Variants in CNGB3 observed in about 807,000 individuals in gnomAD.
CNGB3 encodes cyclic nucleotide-gated channel beta-3.
CNGB3 carries 86 observed loss-of-function variants against 92.8 expected under a neutral mutation model. The ratio of observed to expected loss-of-function variants is 0.93; its 90% CI spans 0.78 to 1.11. CNGB3 has a LOEUF of 1.11. CNGB3 is among the 50% of genes least tolerant of loss of function. CNGB3 has a pLI of 0.00. For synonymous variants in CNGB3, 333 were observed against 332.7 expected, an observed-to-expected ratio of 1.00 and a Z score of -0.01; for missense variants, 1,026 against 956.8, an observed-to-expected ratio of 1.07 and a Z score of -0.95.
intron 3 of CNGB3, among the ~76,000 whole-genome samples, chr8:86,687,470 A>G (rs1392524454): frequency 2.6e-5 from 4 of 152,092 alleles, no homozygotes; most frequent in African/African-American, 9.6e-5. Context: ...TTCATATGAG[A>G]TAACGAGAAC....
At chr8:86,728,149 T>A (rs140132130) in intron 2 of CNGB3, among the ~76,000 whole-genome samples, 3,412 of 152,298 alleles carry the variant, frequency 0.022, 128 homozygotes, top group African/African-American at 0.079. Context: ...CAGTACTAGC[T>A]ATGTTTTTGT....
chr8:86,579,214 T>C lies in CNGB3; in HGVS notation c.1820A>G (p.Asn607Ser), dbSNP rs1821715436. Residue 607 changes from asparagine to serine, a missense_variant, in exon 16 of 18, where the codon AAT becomes AGT. By Grantham distance (46) the Asn-to-Ser change is conservative. Coordinates refer to ENST00000320005, the MANE Select transcript of CNGB3 (RefSeq NM_019098.5). ...AAGGGNRRTA[N>S]VVAHGFANLL... ...ATTGGCAAACCCGTGGGCCACCACA[T>C]TGGCAGTTCGACGGTTTCCTCCTCC... is the stretch of plus-strand genomic sequence containing the variant. The C allele has an allele frequency of 3.7e-6, 6 of 1,614,172 alleles. No individual in the cohort carries two copies. The highest frequency in any genetic ancestry group is 1.3e-5 in the African/African-American group (1 of 75,056).
intron 10 of CNGB3, among the ~76,000 whole-genome samples, chr8:86,634,392 G>A (rs1335796126): frequency 6.6e-6 from 1 of 152,142 alleles, no homozygotes; most frequent in Non-Finnish European, 1.5e-5. Context: ...TGGTAGGTTA[G>A]GTGTATTAAC....
At chr8:86,603,887 T>C (rs1334656529) in intron 15 of CNGB3, among the ~76,000 whole-genome samples, 1 of 152,232 alleles carries the variant, frequency 6.6e-6, no homozygotes, top group African/African-American at 2.4e-5. Context: ...CTCTAGGTCC[T>C]GGACTAAAGA....
intron 6 of CNGB3, among the ~76,000 whole-genome samples, chr8:86,664,409 T>C (rs867943045): frequency 4.1e-4 from 63 of 152,356 alleles, no homozygotes; most frequent in African/African-American, 1.5e-3. Flanking sequence ...GCAGTCAGTC[T>C]GCTCTTCCTA....
chr8:86,701,397 A>T (rs1197804232), intron 3 of CNGB3, among the ~76,000 whole-genome samples: 1 of 152,200 alleles, frequency 6.6e-6, no homozygotes, highest in Non-Finnish European at 1.5e-5. Flanking sequence ...GGGCTCTAAC[A>T]CCAATAATAT....
chr8:86,651,949 C>G (rs1823411076), intron 7 of CNGB3, among the ~76,000 whole-genome samples: 1 of 151,902 alleles, frequency 6.6e-6, no homozygotes, highest in Non-Finnish European at 1.5e-5. Context: ...ATGTGAATAT[C>G]ATAGCATGTA....
intron 3 of CNGB3, 85 bp from the exon 4 acceptor site, chr8:86,671,183 T>C (rs1344852351): frequency 2.0e-6 from 3 of 1,469,622 alleles, no homozygotes; most frequent in Non-Finnish European, 2.8e-6. Context: ...ACCTTCCTTA[T>C]ATATTCAAGA....
intron 3 of CNGB3, among the ~76,000 whole-genome samples, chr8:86,694,543 C>T (rs1461229248): frequency 2.7e-5 from 4 of 150,008 alleles, no homozygotes; most frequent in Non-Finnish European, 4.4e-5. Flanking sequence ...ACTTCTCAGA[C>T]GGGGTGGTTG....
chr8:86,608,747 C>T (rs570339692), intron 14 of CNGB3, among the ~76,000 whole-genome samples: 2 of 152,326 alleles, frequency 1.3e-5, no homozygotes, highest in South Asian at 2.1e-4. Context: ...CTCTCTGCCT[C>T]GGCAGCTAGG....
intron 11 of CNGB3, among the ~76,000 whole-genome samples, chr8:86,630,296 GGA>G (rs1376687706): frequency 6.6e-6 from 1 of 152,146 alleles, no homozygotes; most frequent in Non-Finnish European, 1.5e-5. Flanking sequence ...TGGTATGTTA[GGA>G]GAGGGCTTGG....
chr8:86,730,841 A>G (rs1400853969), intron 2 of CNGB3, among the ~76,000 whole-genome samples: 1 of 152,212 alleles, frequency 6.6e-6, no homozygotes, highest in Non-Finnish European at 1.5e-5. Flanking sequence ...GAAGTTGACA[A>G]CATTACAGCA....
At chr8:86,642,354 A>G (rs1178022123) in intron 10 of CNGB3, among the ~76,000 whole-genome samples, 1 of 151,848 alleles carries the variant, frequency 6.6e-6, no homozygotes, top group African/African-American at 2.4e-5. Flanking sequence ...ATCAAAGTAA[A>G]TAATTCACAT....
At position 86,575,120 on chromosome 8, in the gene CNGB3, G is replaced by A. The variant is rs1585940401; in HGVS notation, c.*684C>T. 6.6e-6 allele frequency: 1 copy of A among 152,108 alleles called. No homozygotes were observed. Among genetic ancestry groups the A allele is most frequent in the South Asian group, 2.1e-4 (1 of 4,832 alleles). 9.4% of individuals were successfully genotyped at this position (152,108 alleles called of 1,614,324 possible). On this transcript the variant is annotated 3_prime_UTR_variant, in exon 18 of 18. Transcript: ENST00000320005. ...GAAAATATTGAAGTTTATTTCTTTAGTAAAGGGTACAATTTTTCCAATATG... is the reference window on the plus strand; with the variant it reads ...GAAAATATTGAAGTTTATTTCTTTAATAAAGGGTACAATTTTTCCAATATG...
At chr8:86,660,687 G>A (rs1275584551) in intron 6 of CNGB3, 1 of 530,318 alleles carries the variant, frequency 1.9e-6, no homozygotes, top group African/African-American at 1.9e-5. Context: ...CTACAGCCCT[G>A]TTTTGTGAGA....
At chr8:86,643,727 G>A (rs537889407) in intron 10 of CNGB3, 24 bp downstream of exon 10, 2 of 1,600,354 alleles carry the variant, frequency 1.2e-6, no homozygotes, top group South Asian at 2.2e-5. Flanking sequence ...ATCAATAAAG[G>A]TTTCTTTCAA....
At chr8:86,722,536 T>C (rs1441924697) in intron 3 of CNGB3, among the ~76,000 whole-genome samples, 2 of 152,200 alleles carry the variant, frequency 1.3e-5, no homozygotes, top group Admixed American at 1.3e-4. Flanking sequence ...GACTGAGCCA[T>C]AACGTGCCCA....
At chr8:86,594,366 T>G (rs1822123686) in intron 15 of CNGB3, 1 of 313,224 alleles carries the variant, frequency 3.2e-6, no homozygotes, top group Non-Finnish European at 6.2e-6. Flanking sequence ...ACGGCCTCCA[T>G]GACCTTCATT....
Position 86,584,277 on chromosome 8 carries a change from T to G in CNGB3, c.1782-5025A>C, listed in dbSNP as rs574520880. Among the ~76,000 whole-genome samples the G allele has an allele frequency of 1.1e-3, 165 of 152,332 alleles. 3 individuals are homozygous for G. Among genetic ancestry groups the G allele is most frequent in the South Asian group, 0.011 (51 of 4,830 alleles). ...AGGACAATGATTGGATGAGTCTGTT[T>G]CATTCACATTCCTGTTGTCATGGAC... is the stretch of plus-strand genomic sequence containing the variant. On this transcript the variant is annotated intron_variant, in intron 15 of 17. Transcript: ENST00000320005.
Sources: allele counts gnomAD v4.1 joint callset (sites outside exome capture counted in the v4.1 genomes callset), GRCh38; gene constraint gnomAD v4.1.1; transcripts MANE v1.5; gene names NCBI Gene and HGNC (gene_info 2026-07-23, HGNC 2026-07-21).